TSPAN18: variants seen among roughly 807,000 people sequenced by gnomAD.
The protein encoded by TSPAN18 is tetraspanin-18.
Under a neutral mutation model 27.3 loss-of-function variants are expected in TSPAN18, and 14 were observed. The ratio of observed to expected loss-of-function variants is 0.51; its 90% CI spans 0.34 to 0.80. TSPAN18 has a LOEUF of 0.80. Among genes scored for constraint, TSPAN18 ranks in the 30% least tolerant of loss-of-function variants. The pLI is 0.01. For synonymous variants in TSPAN18, 143 were observed against 136.5 expected, an observed-to-expected ratio of 1.05 and a Z score of -0.33; for missense variants, 268 against 323.9, an observed-to-expected ratio of 0.83 and a Z score of 1.32.
intron 5 of TSPAN18, 41 bp downstream of exon 5, chr11:44,909,940 G>A: frequency 6.4e-7 from 1 of 1,564,826 alleles, no homozygotes; most frequent in African/African-American, 1.4e-5. Context: ...GGTGCTCTGA[G>A]GGGTGTCAGG....
At chr11:44,769,124 T>A (rs1446248929) in intron 2 of TSPAN18, among the ~76,000 whole-genome samples, 1 of 152,172 alleles carries the variant, frequency 6.6e-6, no homozygotes, top group Non-Finnish European at 1.5e-5. Flanking sequence ...CTTGAACTCC[T>A]GACCTCGTGA....
chr11:44,753,478 G>A (rs770701603), intron 1 of TSPAN18, among the ~76,000 whole-genome samples: 3 of 152,192 alleles, frequency 2.0e-5, no homozygotes, highest in Non-Finnish European at 4.4e-5. Flanking sequence ...CATAAACCCA[G>A]CTTGACTCAC....
chr11:44,898,034 T>C (rs1209884732), intron 3 of TSPAN18, among the ~76,000 whole-genome samples: 3 of 152,204 alleles, frequency 2.0e-5, no homozygotes, highest in Non-Finnish European at 4.4e-5. Flanking sequence ...CACTATACAT[T>C]CATTCATCTA....
At chr11:44,868,550 G>A (rs1437920029) in intron 3 of TSPAN18, among the ~76,000 whole-genome samples, 1 of 152,174 alleles carries the variant, frequency 6.6e-6, no homozygotes, top group Admixed American at 6.5e-5. Flanking sequence ...CCCTTCCTCA[G>A]AGACCCCAGC....
intron 2 of TSPAN18, among the ~76,000 whole-genome samples, chr11:44,836,489 G>C (rs1316443797): frequency 6.6e-6 from 1 of 152,190 alleles, no homozygotes; most frequent in South Asian, 2.1e-4. Flanking sequence ...AAAAGCCCAC[G>C]GTGAGGCAGG....
chr11:44,885,671 C>T (rs1858625800), intron 3 of TSPAN18, among the ~76,000 whole-genome samples: 1 of 152,184 alleles, frequency 6.6e-6, no homozygotes, highest in South Asian at 2.1e-4. Flanking sequence ...CTCTGACTCC[C>T]TCCTGTCCAT....
chr11:44,908,812 AAAG>A (rs1283539626), intron 4 of TSPAN18, among the ~76,000 whole-genome samples: 2 of 143,586 alleles, frequency 1.4e-5, no homozygotes, highest in East Asian at 2.1e-4. Context: ...AGAAAGAAAG[AAAG>A]AAAGAAAGAA....
In TSPAN18 at chr11:44,783,124, G is replaced by A. The variant is rs1855977358; in HGVS notation, c.-153+18612G>A. ...ATTACAGGTGTGAGCCATCACACACGGCCTCTTTTGCCCAATTTTTATTAT... is the reference window on the plus strand; with the variant it reads ...ATTACAGGTGTGAGCCATCACACACAGCCTCTTTTGCCCAATTTTTATTAT... On this transcript the variant is annotated intron_variant, in intron 2 of 9. Coordinates refer to ENST00000520358, the MANE Select transcript of TSPAN18 (RefSeq NM_130783.5). Among the ~76,000 whole-genome samples, 2 of 152,036 alleles carry A rather than the reference G, an allele frequency of 1.3e-5. 1 individual carries two copies. The highest frequency in any genetic ancestry group is 4.2e-4 in the South Asian group (2 of 4,818).
intron 1 of TSPAN18, among the ~76,000 whole-genome samples, chr11:44,746,428 A>G (rs1281999611): frequency 6.6e-6 from 1 of 152,144 alleles, no homozygotes; most frequent in Non-Finnish European, 1.5e-5. Context: ...CAATTTACCC[A>G]CTTGTAAAGC....
At chr11:44,750,428 G>T (rs1324038427) in intron 1 of TSPAN18, among the ~76,000 whole-genome samples, 1 of 152,186 alleles carries the variant, frequency 6.6e-6, no homozygotes, top group African/African-American at 2.4e-5. Flanking sequence ...AAATAATCCT[G>T]CCTGAGTCTG....
intron 6 of TSPAN18, 109 bp from the exon 7 acceptor site, chr11:44,919,105 C>G (rs141230027): frequency 1.9e-5 from 16 of 861,764 alleles, no homozygotes; most frequent in African/African-American, 6.6e-5. Flanking sequence ...GATGCAGAGC[C>G]CCTAGCTCTC....
chr11:44,920,065 G>A, intron 8 of TSPAN18, 66 bp downstream of exon 8: 1 of 1,491,428 alleles, frequency 6.7e-7, no homozygotes, highest in Non-Finnish European at 9.1e-7. Flanking sequence ...GAGCTGGGTG[G>A]GAGGCGCTAT....
At chr11:44,898,855 T>C (rs568433976) in intron 3 of TSPAN18, among the ~76,000 whole-genome samples, 1 of 152,348 alleles carries the variant, frequency 6.6e-6, no homozygotes, top group South Asian at 2.1e-4. Flanking sequence ...GTATTAAGTT[T>C]CAATATGACT....
Position 44,926,656 on chromosome 11 carries a change from C to T in TSPAN18, c.616-18C>T. On this transcript the variant is annotated intron_variant, in intron 8 of 9. Coordinates refer to ENST00000520358, the MANE Select transcript of TSPAN18 (RefSeq NM_130783.5). ...CTCAACCCTGGCCATAGCTTGACCT[C>T]TCATCCCTCCCTCCCAGGGCTGTTA... is the stretch of plus-strand genomic sequence containing the variant. 6.2e-7 allele frequency: 1 copy of T among 1,613,378 alleles called. No homozygotes were observed. Among genetic ancestry groups the T allele is most frequent in the East Asian group, 2.2e-5 (1 of 44,874 alleles).
intron 9 of TSPAN18, among the ~76,000 whole-genome samples, chr11:44,928,836 A>T (rs914473275): frequency 1.3e-5 from 2 of 152,172 alleles, no homozygotes; most frequent in African/African-American, 4.8e-5. Flanking sequence ...CTGGATACAT[A>T]CTCAGGCCCA....
chr11:44,774,808 G>T (rs544304241), intron 2 of TSPAN18, among the ~76,000 whole-genome samples: 2 of 152,328 alleles, frequency 1.3e-5, no homozygotes, highest in African/African-American at 4.8e-5. Context: ...CTTTGGTTGT[G>T]TGTGTGTGGC....
intron 2 of TSPAN18, among the ~76,000 whole-genome samples, chr11:44,771,364 A>C (rs1213873362): frequency 1.3e-5 from 2 of 152,234 alleles, no homozygotes; most frequent in Non-Finnish European, 2.9e-5. Flanking sequence ...ATTCATATGA[A>C]CAAAAACACT....
rs375985133 is a variant in TSPAN18 at position 44,742,340 on chromosome 11, T to C, written c.-240+15053T>C. On this transcript the variant is annotated intron_variant, in intron 1 of 9. Transcript: ENST00000520358. ...TCCTTTCTTCCTTTCTTCCTTCCTT[T>C]CCTCCCTCCCTCCTTCCTTCCTTAC... is the stretch of plus-strand genomic sequence containing the variant. 4.2e-3 allele frequency among the ~76,000 whole-genome samples: 576 copies of C among 136,268 alleles called. 1 individual carries two copies. Among genetic ancestry groups the C allele is most frequent in the African/African-American group, 0.014 (537 of 38,068 alleles). 89.4% of individuals were successfully genotyped at this position (136,268 alleles called of 152,430 possible).
intron 8 of TSPAN18, among the ~76,000 whole-genome samples, chr11:44,923,549 A>ACCCAG (rs1860227311): frequency 6.6e-6 from 1 of 152,108 alleles, no homozygotes; most frequent in Non-Finnish European, 1.5e-5. Flanking sequence ...AGGAGGGAGA[A>ACCCAG]CCCAGCCGCT....
Sources: allele counts gnomAD v4.1 joint callset (sites outside exome capture counted in the v4.1 genomes callset), GRCh38; gene constraint gnomAD v4.1.1; transcripts MANE v1.5; gene names NCBI Gene and HGNC (gene_info 2026-07-23, HGNC 2026-07-21).